PRAMEF20: variants seen among roughly 807,000 people sequenced by gnomAD.
PRAMEF20 encodes the protein PRAME family member 20/21.
A neutral mutation model predicts 32.4 loss-of-function variants in PRAMEF20; 27 were observed. The observed-to-expected ratio is 0.83, with a 90% CI of 0.61 to 1.15. The LOEUF is 1.15. Among genes scored for constraint, PRAMEF20 ranks in the 50% most tolerant of loss-of-function variants. The pLI is 0.00. For missense variants in PRAMEF20, 604 were observed against 584.5 expected, an observed-to-expected ratio of 1.03 and a Z score of -0.34; for synonymous variants, 256 against 235.4, an observed-to-expected ratio of 1.09 and a Z score of -0.80.
chr1:13,418,755 C>T lies in PRAMEF20; in HGVS notation c.866+55C>T, dbSNP rs2100437080. The stretch of plus-strand genomic sequence containing the variant: ...GACCACAGCAGAGCCTTTCTTGTTA[C>T]AGGGGGCATCTACTGTGAGCCAGCC... On this transcript the variant is annotated intron_variant, in intron 2 of 2. Transcript: ENST00000602960. 7.5e-6 allele frequency: 12 copies of T among 1,609,796 alleles called. No individual in the cohort carries two copies. In the East Asian group the frequency reaches 1.6e-4, roughly 21 times the overall value.
chr1:13,418,224 G>T, exon 2 of PRAMEF20: 1 of 1,613,858 alleles, frequency 6.2e-7, no homozygotes, highest in African/African-American at 1.3e-5. Context: ...ATGCCATGAT[G>T]AACAGAAAAC....
At chr1:13,420,883 T>C in exon 3 of PRAMEF20, 10 of 1,613,878 alleles carry the variant, frequency 6.2e-6, no homozygotes, top group Non-Finnish European at 8.5e-6. Flanking sequence ...CAGCCACCCT[T>C]GAGTACCTGG....
At chr1:13,415,103 G>C (rs1219435761), upstream of PRAMEF20, among the ~76,000 whole-genome samples, 9 of 149,692 alleles carry the variant, frequency 6.0e-5, no homozygotes, top group Non-Finnish European at 1.3e-4. Context: ...TTTGAGCTTG[G>C]AGTTTCATTC....
upstream of PRAMEF20, among the ~76,000 whole-genome samples, chr1:13,414,497 C>T (rs952886030): frequency 6.6e-5 from 10 of 151,224 alleles, 1 homozygote; most frequent in Non-Finnish European, 1.2e-4. Flanking sequence ...TTCACCCTGC[C>T]GACCAGGCCG....
chr1:13,418,922 G>A (rs1290945706), intron 2 of PRAMEF20, among the ~76,000 whole-genome samples: 2 of 152,202 alleles, frequency 1.3e-5, no homozygotes, highest in Non-Finnish European at 2.9e-5. Flanking sequence ...TAGGAAGCTA[G>A]CTACTGGAGG....
chr1:13,415,907 T>G (rs1641164643), upstream of PRAMEF20, among the ~76,000 whole-genome samples: 1 of 152,014 alleles, frequency 6.6e-6, no homozygotes, highest in African/African-American at 2.4e-5. Flanking sequence ...ACAAAACAAA[T>G]AGAACCCATT....
upstream of PRAMEF20, among the ~76,000 whole-genome samples, chr1:13,413,089 T>C (rs891397368): frequency 3.3e-5 from 5 of 152,246 alleles, no homozygotes; most frequent in Non-Finnish European, 7.3e-5. Flanking sequence ...TCAACAAAGA[T>C]ACTTTCAAGT....
intron 2 of PRAMEF20, among the ~76,000 whole-genome samples, chr1:13,419,247 G>A (rs2100437583): frequency 6.6e-6 from 1 of 152,256 alleles, no homozygotes; most frequent in East Asian, 1.9e-4. Context: ...TCTGCCTCCT[G>A]GGTTCAAGCA....
chr1:13,419,678 C>A (rs1048769536), intron 2 of PRAMEF20, among the ~76,000 whole-genome samples: 9 of 152,046 alleles, frequency 5.9e-5, no homozygotes, highest in Admixed American at 5.2e-4. Context: ...CCCGCCTCGG[C>A]CTCCCAAAAT....
chr1:13,417,365 A>G (rs1248886106), intron 1 of PRAMEF20, among the ~76,000 whole-genome samples: 8 of 152,056 alleles, frequency 5.3e-5, no homozygotes, highest in Admixed American at 4.6e-4. Flanking sequence ...AAGACAGGGA[A>G]GTTCCCCAAG....
chr1:13,410,755 A>G, the PRAMEF20 span, among the ~76,000 whole-genome samples: 241 of 151,014 alleles, frequency 1.6e-3, 2 homozygotes, highest in African/African-American at 5.6e-3. Context: ...GTAGTGACCC[A>G]TGCCTACAAT....
chr1:13,416,290 G>A, upstream of PRAMEF20: 1 of 1,609,166 alleles, frequency 6.2e-7, no homozygotes, highest in Non-Finnish European at 8.5e-7. Flanking sequence ...GCATGGGCTT[G>A]GCCTGAGAGT....
chr1:13,412,769 G>A (rs900081058), upstream of PRAMEF20, among the ~76,000 whole-genome samples: 20 of 152,098 alleles, frequency 1.3e-4, no homozygotes, highest in East Asian at 3.9e-4. Context: ...TCTTCCACCC[G>A]AATGGAGACA....
chr1:13,417,376 T>TC lies in PRAMEF20; in HGVS notation c.287+739dup, dbSNP rs982992959. 1.2e-3 allele frequency among the ~76,000 whole-genome samples: 182 copies of TC among 152,056 alleles called. 1 individual carries two copies. Among genetic ancestry groups the TC allele is most frequent in the African/African-American group, 4.0e-3 (166 of 41,498 alleles). On this transcript the variant is annotated intron_variant, in intron 1 of 2. Transcript: ENST00000602960. ...ATGTAAGACAGGGAAGTTCCCCAAG[T>TC]CCCCACTGGAGCCAGGAAGTCCAGC...
At chr1:13,411,250 G>A in the PRAMEF20 span, among the ~76,000 whole-genome samples, 1 of 152,102 alleles carries the variant, frequency 6.6e-6, no homozygotes, top group Non-Finnish European at 1.5e-5. Flanking sequence ...AATCCCTTGA[G>A]CCCGGAAGTT....
At chr1:13,417,678 G>A (rs1219066251) in intron 1 of PRAMEF20, among the ~76,000 whole-genome samples, 1 of 150,638 alleles carries the variant, frequency 6.6e-6, no homozygotes, top group Non-Finnish European at 1.5e-5. Context: ...GGGAAAAGAA[G>A]CAGGGAAGAG....
upstream of PRAMEF20, among the ~76,000 whole-genome samples, chr1:13,412,029 T>C (rs1189478209): frequency 7.6e-6 from 1 of 131,716 alleles, no homozygotes; most frequent in Non-Finnish European, 1.6e-5. Flanking sequence ...TTAATTTAAT[T>C]TATTTTATTT....
chr1:13,417,784 GGGGCTA>G (rs1210487980), intron 1 of PRAMEF20, among the ~76,000 whole-genome samples: 4 of 147,630 alleles, frequency 2.7e-5, no homozygotes, highest in South Asian at 4.4e-4. Flanking sequence ...CGCCCAGGCT[GGGGCTA>G]GAGTGCAGTG....
chr1:13,419,163 CTTT>C (rs1641215875), intron 2 of PRAMEF20, among the ~76,000 whole-genome samples: 1 of 152,040 alleles, frequency 6.6e-6, no homozygotes, highest in Non-Finnish European at 1.5e-5. Flanking sequence ...GATAATTTTT[CTTT>C]TTTTGAGATG....
Sources: allele counts gnomAD v4.1 joint callset (sites outside exome capture counted in the v4.1 genomes callset), GRCh38; gene constraint gnomAD v4.1.1; transcripts MANE v1.5; gene names NCBI Gene and HGNC (gene_info 2026-07-23, HGNC 2026-07-21).